Variants in INTS4 observed in about 807,000 individuals in gnomAD.
INTS4 encodes the protein MSTP093.
INTS4 carries 70 observed loss-of-function variants against 119.5 expected under a neutral mutation model. That is an observed-to-expected ratio of 0.59 (90% CI 0.48 to 0.71). The LOEUF (loss-of-function observed/expected upper bound fraction) is 0.71. Ranked by LOEUF, INTS4 falls within the 30% of genes least tolerant of loss-of-function variation. The probability of loss-of-function intolerance (pLI) is 0.00; values close to 1 mark genes in which losing one functional copy is unlikely to be tolerated. For missense variants in INTS4, 867 were observed against 1,173.2 expected (o/e 0.74, Z 3.81); for synonymous variants, 316 against 419.6 (o/e 0.75, Z 3.02).
At chr11:77,930,718 G>A (rs185048852) in intron 10 of INTS4, among the ~76,000 whole-genome samples, 96 of 152,226 alleles carry the variant, frequency 6.3e-4, no homozygotes, top group African/African-American at 2.1e-3. Flanking sequence ...GGTATGTCAC[G>A]CCTGTAATCC....
chr11:77,982,006 A>C (rs978821818), intron 2 of INTS4, among the ~76,000 whole-genome samples: 2 of 152,200 alleles, frequency 1.3e-5, no homozygotes, highest in African/African-American at 4.8e-5. Flanking sequence ...GTTAGACACA[A>C]GTCAGAGCAA....
chr11:77,928,899 T>C lies in INTS4; in HGVS notation c.1166-352A>G, dbSNP rs548220705. Among the ~76,000 whole-genome samples the C allele has an allele frequency of 7.9e-5, 12 of 151,930 alleles. 1 individual carries two copies. Among genetic ancestry groups the C allele is most frequent in the African/African-American group, 2.7e-4 (11 of 41,458 alleles). On this transcript the variant is annotated intron_variant, in intron 10 of 22. Coordinates refer to ENST00000534064, the MANE Select transcript of INTS4 (RefSeq NM_033547.4). ...AGCCAAGTGTGGTGGCACACGCCTATAGTCCCATCTACTTGGGAGGCTGAG... is the reference window on the plus strand; with the variant it reads ...AGCCAAGTGTGGTGGCACACGCCTACAGTCCCATCTACTTGGGAGGCTGAG...
intron 4 of INTS4, among the ~76,000 whole-genome samples, chr11:77,962,069 T>C (rs1014663118): frequency 6.6e-6 from 1 of 152,148 alleles, no homozygotes; most frequent in East Asian, 1.9e-4. Flanking sequence ...TCCCAGCACT[T>C]TGGGAGGCCA....
chr11:77,973,729 C>T (rs774472840), intron 4 of INTS4, among the ~76,000 whole-genome samples: 4 of 152,004 alleles, frequency 2.6e-5, no homozygotes, highest in Non-Finnish European at 4.4e-5. Flanking sequence ...TTTTTATCCT[C>T]GATAGTGTAT....
chr11:77,978,891 C>T lies in INTS4; in HGVS notation c.471+105G>A, dbSNP rs1186543777. 6.1e-6 allele frequency: 4 copies of T among 660,016 alleles called. No individual in the cohort carries two copies. In the Admixed American group the frequency reaches 9.1e-5, roughly 15 times the overall value. The allele number at this position is 660,016 out of a possible 1,614,324, so 40.9% of individuals were successfully genotyped here. A position where few individuals can be genotyped will look rare whatever the true frequency, so the allele number is the denominator to read the frequency against. On this transcript the variant is annotated intron_variant, in intron 4 of 22. Coordinates refer to ENST00000534064, the MANE Select transcript of INTS4 (RefSeq NM_033547.4). ...GTACTTAACTTTATTCCTAATCCAA[C>T]ACCAAGAGATGAAAAAAATAAGGCA...
intron 8 of INTS4, among the ~76,000 whole-genome samples, chr11:77,951,358 G>A (rs1463779399): frequency 9.2e-5 from 14 of 152,186 alleles, no homozygotes; most frequent in South Asian, 6.2e-4. Context: ...AAATAATGCC[G>A]CATATCTACA....
rs928318464 is a variant in INTS4 at position 77,881,542 on chromosome 11, C to T, written c.2713+2290G>A. Among the ~76,000 whole-genome samples the T allele has an allele frequency of 2.0e-5, 3 of 152,224 alleles. No homozygotes were observed. In the East Asian group the frequency reaches 5.8e-4, roughly 29 times the overall value. ...ACTGTCACTGATCAGGTATGTGGGC[C>T]TCCATTTATGTATCTGTAAAATGAA... On this transcript the variant is annotated intron_variant, in intron 22 of 22. Transcript: ENST00000534064.
intron 10 of INTS4, among the ~76,000 whole-genome samples, chr11:77,931,755 G>A (rs1431731060): frequency 6.6e-6 from 1 of 152,002 alleles, no homozygotes; most frequent in African/African-American, 2.4e-5. Flanking sequence ...TAGACCAATG[G>A]AACAGAATAG....
intron 2 of INTS4, among the ~76,000 whole-genome samples, chr11:77,983,611 CA>C (rs1194279508): frequency 6.6e-6 from 1 of 152,036 alleles, no homozygotes; most frequent in Non-Finnish European, 1.5e-5. Flanking sequence ...TACAGAAATG[CA>C]AATCAAAACT....
At chr11:77,927,641 A>G (rs3018164) in intron 11 of INTS4, among the ~76,000 whole-genome samples, 114,910 of 151,870 alleles carry the variant, frequency 0.76, 44,187 homozygotes, top group African/African-American at 0.89. Context: ...CACTAACTCA[A>G]ACAACTTATT....
chr11:77,921,890 G>A (rs1370386502), intron 13 of INTS4, among the ~76,000 whole-genome samples: 2 of 152,032 alleles, frequency 1.3e-5, no homozygotes, highest in Non-Finnish European at 2.9e-5. Flanking sequence ...AATTAGCCGG[G>A]AGTGGTGGCA....
intron 2 of INTS4, chr11:77,987,502 G>T (rs1856499915): frequency 5.9e-6 from 2 of 337,860 alleles, no homozygotes; most frequent in Middle Eastern, 3.9e-4. Context: ...AATAATAATG[G>T]TAGATATTGC....
chr11:77,920,242 T>TATATAC (rs1565244863), intron 14 of INTS4, among the ~76,000 whole-genome samples: 2 of 80,038 alleles, frequency 2.5e-5, no homozygotes, highest in African/African-American at 1.3e-4. Context: ...CATATATACA[T>TATATAC]ATATATACAT....
At chr11:77,907,622 C>A in intron 16 of INTS4, 95 bp downstream of exon 16, 1 of 823,066 alleles carries the variant, frequency 1.2e-6, no homozygotes. Context: ...TGCATTAAGA[C>A]CATAAGTTTT....
intron 4 of INTS4, among the ~76,000 whole-genome samples, chr11:77,969,968 G>A (rs991687977): frequency 4.6e-5 from 7 of 152,132 alleles, no homozygotes; most frequent in Admixed American, 1.3e-4. Context: ...AAACTCCAAC[G>A]AAGCTGTAGA....
Position 77,928,337 on chromosome 11 carries a change from C to T in INTS4, c.1371+5G>A, listed in dbSNP as rs1440156073. On this transcript the variant is annotated splice_donor_5th_base_variant and intron_variant, in intron 11 of 22. Transcript: ENST00000534064. The stretch of plus-strand genomic sequence containing the variant: ...AGAAATGAGTAACAAATTAGAAACA[C>T]TCACCTCTAGCACAGCCAGGACAGT... The T allele has an allele frequency of 3.1e-6, 5 of 1,612,410 alleles. No homozygotes were observed. In the East Asian group the frequency reaches 1.1e-4, roughly 36 times the overall value.
At chr11:77,940,453 C>G (rs1222016016) in intron 9 of INTS4, among the ~76,000 whole-genome samples, 1 of 151,800 alleles carries the variant, frequency 6.6e-6, no homozygotes, top group Non-Finnish European at 1.5e-5. Context: ...GAAAAAATGG[C>G]GTGGGGTTGG....
chr11:77,974,680 A>C (rs1855875560), intron 4 of INTS4, among the ~76,000 whole-genome samples: 1 of 148,298 alleles, frequency 6.7e-6, no homozygotes, highest in Admixed American at 6.8e-5. Context: ...ACAGCTCCTT[A>C]CAGTCTCAAC....
At chr11:77,982,286 C>T (rs1277328781) in intron 2 of INTS4, among the ~76,000 whole-genome samples, 1 of 152,084 alleles carries the variant, frequency 6.6e-6, no homozygotes, top group East Asian at 1.9e-4. Flanking sequence ...CAGATACATG[C>T]TACCACACCT....
Sources: allele counts gnomAD v4.1 joint callset (sites outside exome capture counted in the v4.1 genomes callset), GRCh38; gene constraint gnomAD v4.1.1; transcripts MANE v1.5; gene names NCBI Gene and HGNC (gene_info 2026-07-23, HGNC 2026-07-21).